Variants in FREM3 observed in about 807,000 individuals in gnomAD.
The protein encoded by FREM3 is FRAS1-related extracellular matrix protein 3.
Under a neutral mutation model 129.1 loss-of-function variants are expected in FREM3, and 105 were observed. That is an observed-to-expected ratio of 0.81 (90% CI 0.69 to 0.96). The LOEUF is 0.96. Among genes scored for constraint, FREM3 ranks in the 40% least tolerant of loss-of-function variants. The pLI, the probability that FREM3 is intolerant of heterozygous loss-of-function variation, is 0.00. For synonymous variants in FREM3, 1,014 were observed against 1,044.9 expected, an observed-to-expected ratio of 0.97 and a Z score of 0.57; for missense variants, 2,593 against 2,666.3, an observed-to-expected ratio of 0.97 and a Z score of 0.61.
rs1368187028 is a variant in FREM3, at chr4:143,611,306, C to T, written c.6001G>A (p.Val2001Met). The T allele has an allele frequency of 3.3e-6, 5 of 1,536,910 alleles. No homozygotes were observed. The Admixed American group carries it at 5.9e-5, about 18-fold the overall frequency. The change falls in exon 6 of 8, where the codon GTG becomes ATG. Residue 2001 changes from valine (V) to methionine (M), a missense_variant. Coordinates refer to ENST00000329798, the MANE Select transcript of FREM3 (RefSeq NM_001168235.2). Reference protein sequence around the residue: ...QLGARFPTTKVTILADRYDEP... With the variant: ...QLGARFPTTKMTILADRYDEP... Reference sequence around the variant, plus strand: ...TCATAACGATCAGCCAGAATAGTCACCTTAGTGGTGGGGAATCTGGCTCCC... The same window carrying T: ...TCATAACGATCAGCCAGAATAGTCATCTTAGTGGTGGGGAATCTGGCTCCC...
intron 2 of FREM3, among the ~76,000 whole-genome samples, chr4:143,691,889 T>G (rs1208216693): frequency 6.6e-6 from 1 of 152,182 alleles, no homozygotes; most frequent in Non-Finnish European, 1.5e-5. Context: ...AAAATATTTG[T>G]CTTACATTTA....
rs1474974719 is a variant in FREM3, at chr4:143,700,156, T to C, written c.520A>G (p.Arg174Gly). The C allele has an allele frequency of 7.8e-6, 12 of 1,536,900 alleles. No individual in the cohort carries two copies. Among genetic ancestry groups the C allele is most frequent in the African/African-American group, 1.4e-5 (1 of 73,040 alleles). ...FSQLELVTRN[R>G]PLVVEKLRSW... The stretch of plus-strand genomic sequence containing the variant: ...CGCAGCTTCTCCACTACCAAAGGCC[T>C]GTTACGCGTCACCAGCTCCAGCTGG... The change falls in exon 1 of 8, where the codon AGG becomes GGG. Residue 174 changes from arginine to glycine, a missense_variant. Transcript: ENST00000329798.
intron 2 of FREM3, among the ~76,000 whole-genome samples, chr4:143,688,003 T>A (rs889562817): frequency 6.6e-6 from 1 of 152,086 alleles, no homozygotes; most frequent in Non-Finnish European, 1.5e-5. Context: ...GTACTGGAAG[T>A]CCTAGCCAGA....
chr4:143,669,822 A>G (rs1214720353), intron 2 of FREM3, among the ~76,000 whole-genome samples: 1 of 152,026 alleles, frequency 6.6e-6, no homozygotes, highest in African/African-American at 2.4e-5. Context: ...TTCAACTTTT[A>G]TTTTAGACAT....
intron 6 of FREM3, among the ~76,000 whole-genome samples, chr4:143,594,063 GA>G (rs1033108545): frequency 4.6e-5 from 7 of 152,200 alleles, no homozygotes; most frequent in Admixed American, 4.6e-4. Context: ...TGCCGTTTGA[GA>G]AGCCCGTTGG....
chr4:143,585,751 C>T lies in FREM3; in HGVS notation c.6178+93G>A. 1 of 1,290,208 alleles carries T rather than the reference C, an allele frequency of 7.8e-7. No individual in the cohort carries two copies. The highest frequency in any genetic ancestry group is 1.0e-6 in the Non-Finnish European group (1 of 956,644). 79.9% of individuals were successfully genotyped at this position (1,290,208 alleles called of 1,614,324 possible). The stretch of plus-strand genomic sequence containing the variant: ...AGAGAAACTTTCATTCAGAGTCCAT[C>T]AACAAAGACTAAGCATGCTTACACT... On this transcript the variant is annotated intron_variant, in intron 7 of 7. Coordinates refer to ENST00000329798, the MANE Select transcript of FREM3 (RefSeq NM_001168235.2). This position sits in a 1 kb window ranked among gnomAD's most constrained non-coding sequence, Gnocchi z 4.2.
intron 2 of FREM3, among the ~76,000 whole-genome samples, chr4:143,644,148 G>T (rs1478433838): frequency 6.6e-6 from 1 of 151,572 alleles, no homozygotes; most frequent in African/African-American, 2.4e-5. Flanking sequence ...GTAACTTTCT[G>T]TTAATCTTAT....
chr4:143,622,885 CT>C (rs1259239543), intron 4 of FREM3, among the ~76,000 whole-genome samples: 1 of 152,052 alleles, frequency 6.6e-6, no homozygotes, highest in Non-Finnish European at 1.5e-5. Flanking sequence ...GATCTATGTT[CT>C]TCTCCTTGAA....
In FREM3 at chr4:143,697,129, G is replaced by A. The variant is rs1740587372; in HGVS notation, c.3547C>T (p.Pro1183Ser). The change falls in exon 1 of 8, where the codon CCT (proline) becomes TCT (serine). Residue 1183 changes from proline (P) to serine (S), a missense_variant. Physicochemically the swap from Pro to Ser is moderately conservative, Grantham distance 74. Transcript: ENST00000329798. ...GINFSPNVFF[P>S]IIILPTNDEQ... ...TCATTGGTGGGTAGGATGATTATAG[G>A]GAAGAAGACATTTGGGGAGAAGTTG... The A allele has an allele frequency of 1.3e-6, 2 of 1,537,688 alleles. No individual in the cohort carries two copies. Among genetic ancestry groups the A allele is most frequent in the Non-Finnish European group, 1.7e-6 (2 of 1,147,040 alleles).
In FREM3 at chr4:143,693,143, C is replaced by T. The variant is rs1015256623; in HGVS notation, c.5245G>A (p.Asp1749Asn). ...VLNEGSNASK[D>N]IFYFSVEDNG... ...TCTTCAACAGAGAAATAGAAGATGT[C>T]CTTTGATGCGTTGCTGCCCTCATTC... The change falls in exon 2 of 8, where the codon GAC (aspartate) becomes AAC (asparagine). Residue 1749 changes from aspartate to asparagine, a missense_variant. By Grantham distance (23) the Asp-to-Asn change is conservative. Transcript: ENST00000329798. The T allele has an allele frequency of 2.6e-6, 4 of 1,518,646 alleles. No homozygotes were observed. The Admixed American group carries it at 6.1e-5, about 23-fold the overall frequency. The allele number at this position is 1,518,646 out of a possible 1,614,324, so 94.1% of individuals were successfully genotyped here.
chr4:143,639,403 C>G (rs1219693351), intron 2 of FREM3, among the ~76,000 whole-genome samples: 1 of 152,020 alleles, frequency 6.6e-6, no homozygotes. Context: ...AAGGTGTGGC[C>G]CTGGGTGAAT....
chr4:143,637,178 A>G (rs1739246210), intron 2 of FREM3, among the ~76,000 whole-genome samples: 1 of 152,214 alleles, frequency 6.6e-6, no homozygotes, highest in African/African-American at 2.4e-5. Context: ...AATGCTTCAC[A>G]GTGAGAAATG....
chr4:143,577,619 A>G lies in FREM3; in HGVS notation c.6412T>C (p.Phe2138Leu). 6.5e-7 allele frequency: 1 copy of G among 1,536,494 alleles called. No homozygotes were observed. Among genetic ancestry groups the G allele is most frequent in the Non-Finnish European group, 8.7e-7 (1 of 1,146,402 alleles). ...TDCKQSACSSFD is the reference protein window; with the variant it reads ...TDCKQSACSSLD ...TTCCCTCTTAAAGTCTTTCAATCAA[A>G]GGAACTACAAGCACTCTGCTTACAG... is the stretch of plus-strand genomic sequence containing the variant. The change falls in exon 8 of 8, where the codon TTT becomes CTT. Residue 2138 changes from phenylalanine (F) to leucine (L), a missense_variant. By Grantham distance (22) the Phe-to-Leu change is conservative. Around this residue, in one of 2 missense-constraint regions of FREM3, gnomAD observed 317 missense variants for 399.0 expected, o/e 0.79. Transcript: ENST00000329798.
At position 143,699,624 on chromosome 4, in the gene FREM3, G is replaced by T; in HGVS notation, c.1052C>A (p.Thr351Asn). ...DLVFNILNAPTHPPGHPGQQG... is the reference protein window; with the variant it reads ...DLVFNILNAPNHPPGHPGQQG... Reference sequence around the variant, plus strand: ...TTGCCCCGGGTGCCCTGGTGGGTGAGTGGGGGCGTTCAGAATGTTGAACAC... The same window carrying T: ...TTGCCCCGGGTGCCCTGGTGGGTGATTGGGGGCGTTCAGAATGTTGAACAC... The change falls in exon 1 of 8, where the codon ACT (threonine) becomes AAT (asparagine). Residue 351 changes from threonine to asparagine, a missense_variant. Physicochemically the swap from Thr to Asn is moderately conservative, Grantham distance 65. Around this residue, in one of 2 missense-constraint regions of FREM3, gnomAD observed 2,276 missense variants for 2,267.2 expected, o/e 1.00. Transcript: ENST00000329798. This position sits in a 1 kb window ranked among gnomAD's most constrained non-coding sequence, Gnocchi z 4.2. 2.0e-6 allele frequency: 3 copies of T among 1,530,420 alleles called. No homozygotes were observed. Among genetic ancestry groups the T allele is most frequent in the Non-Finnish European group, 2.6e-6 (3 of 1,142,546 alleles). The allele number at this position is 1,530,420 out of a possible 1,614,324, so 94.8% of individuals were successfully genotyped here.
intron 2 of FREM3, among the ~76,000 whole-genome samples, chr4:143,657,961 C>T (rs1439588835): frequency 6.6e-6 from 1 of 152,184 alleles, no homozygotes; most frequent in Non-Finnish European, 1.5e-5. Flanking sequence ...CTTCCAACTC[C>T]TACACCACAT....
intron 2 of FREM3, among the ~76,000 whole-genome samples, chr4:143,648,494 A>G (rs1221174415): frequency 2.0e-5 from 3 of 152,222 alleles, no homozygotes; most frequent in Non-Finnish European, 4.4e-5. Context: ...GGGCAGGACC[A>G]GGTGGAGATA....
chr4:143,591,446 T>C (rs1738360576), intron 6 of FREM3, among the ~76,000 whole-genome samples: 1 of 152,224 alleles, frequency 6.6e-6, no homozygotes, highest in Non-Finnish European at 1.5e-5. Context: ...TGTGTCTTTG[T>C]TCTCATTGGT....
At chr4:143,632,989 C>T (rs985923478) in intron 2 of FREM3, among the ~76,000 whole-genome samples, 4 of 152,150 alleles carry the variant, frequency 2.6e-5, no homozygotes, top group African/African-American at 9.7e-5. Context: ...AGGGCATAAG[C>T]TTGTCACTTA....
intron 6 of FREM3, among the ~76,000 whole-genome samples, chr4:143,596,105 A>G (rs542935679): frequency 2.3e-4 from 35 of 152,192 alleles, no homozygotes; most frequent in Non-Finnish European, 4.6e-4. Flanking sequence ...GTAGTGTGTA[A>G]GGTGAGAACA....
Sources: gnomAD v4.1 joint callset for allele counts (sites outside exome capture counted in the v4.1 genomes callset) on GRCh38, gnomAD v4.1.1 for gene constraint, gnomAD v4.1.1 regional missense constraint, Gnocchi (gnomAD v3.1) non-coding constraint, MANE v1.5 for transcripts, NCBI Gene and HGNC (gene_info 2026-07-23, HGNC 2026-07-21) for gene names.